CABIN1: variants seen among roughly 807,000 people sequenced by gnomAD.
CABIN1 encodes calcineurin-binding protein cabin-1.
In CABIN1, 133 loss-of-function variants were observed where a neutral mutation model predicts 227.7. That is an observed-to-expected ratio of 0.58 (90% confidence interval 0.51 to 0.67). The LOEUF is 0.67. CABIN1 is among the 30% of genes least tolerant of loss of function. The pLI, the probability that CABIN1 is intolerant of heterozygous loss-of-function variation, is 0.00. For missense variants in CABIN1, 2,408 were observed against 2,852.5 expected (o/e 0.84, Z 3.55); for synonymous variants, 1,086 against 1,155.1 (o/e 0.94, Z 1.21).
intron 23 of CABIN1, among the ~76,000 whole-genome samples, chr22:24,089,513 C>G (rs544195074): frequency 6.6e-6 from 1 of 152,130 alleles, no homozygotes; most frequent in Non-Finnish European, 1.5e-5. Context: ...TGCAGATGTC[C>G]CGACAGGGAG....
At chr22:24,109,372 AT>A (rs555992246) in intron 26 of CABIN1, among the ~76,000 whole-genome samples, 1,440 of 142,526 alleles carry the variant, frequency 0.01, 14 homozygotes, top group African/African-American at 0.025. Flanking sequence ...CGCCTGCCTA[AT>A]TTTTTTTTTT....
At chr22:24,070,056 A>G (rs890073240) in intron 16 of CABIN1, among the ~76,000 whole-genome samples, 6 of 149,346 alleles carry the variant, frequency 4.0e-5, no homozygotes, top group Non-Finnish European at 7.4e-5. Flanking sequence ...AATGGGTTGT[A>G]TTCTAGGCCA....
At chr22:24,164,279 C>T in intron 29 of CABIN1, 121 bp from the exon 30 acceptor site, 1 of 1,236,766 alleles carries the variant, frequency 8.1e-7, no homozygotes, top group South Asian at 1.2e-5. Context: ...GTCCAAGAAG[C>T]CCCTGGCTGG....
intron 5 of CABIN1, 122 bp downstream of exon 5, chr22:24,041,395 C>G: frequency 7.9e-7 from 1 of 1,260,158 alleles, no homozygotes; most frequent in Non-Finnish European, 1.1e-6. Flanking sequence ...AGCTATAGTA[C>G]CCAAGGCTCT....
At chr22:24,063,309 G>T (rs1407638969) in intron 14 of CABIN1, among the ~76,000 whole-genome samples, 163 bp downstream of exon 14, 1 of 152,146 alleles carries the variant, frequency 6.6e-6, no homozygotes, top group Non-Finnish European at 1.5e-5. Context: ...CTTGGCATGA[G>T]AAAGTGTGAC....
At position 24,098,247 on chromosome 22, in the gene CABIN1, G is replaced by T. The variant is rs890001154; in HGVS notation, c.4117+55G>T. On this transcript the variant is annotated intron_variant, in intron 26 of 36. Coordinates refer to ENST00000263119, the MANE Select transcript of CABIN1 (RefSeq NM_012295.4). ...CCAGGGCGGCACATCAATCACGGGGGGGTGCTCGGACGACTCATTTTGTCG... is the reference window on the plus strand; with the variant it reads ...CCAGGGCGGCACATCAATCACGGGGTGGTGCTCGGACGACTCATTTTGTCG... The T allele has an allele frequency of 2.5e-6, 4 of 1,612,520 alleles. No homozygotes were observed. The South Asian group carries it at 3.3e-5, about 13-fold the overall frequency.
intron 24 of CABIN1, 180 bp downstream of exon 24, chr22:24,092,023 G>T (rs1255603034): frequency 2.8e-6 from 2 of 722,602 alleles, no homozygotes; most frequent in East Asian, 2.7e-5. Flanking sequence ...TTCCCAAGGG[G>T]TGTTTATCAT....
intron 29 of CABIN1, among the ~76,000 whole-genome samples, chr22:24,156,793 C>T (rs998794789): frequency 6.6e-6 from 1 of 152,112 alleles, no homozygotes; most frequent in Non-Finnish European, 1.5e-5. Flanking sequence ...ATAGAGCCTA[C>T]AGCAGAGTTG....
chr22:24,076,124 G>A (rs896985240), intron 18 of CABIN1, 45 bp from the exon 19 acceptor site: 3 of 1,487,542 alleles, frequency 2.0e-6, no homozygotes, highest in Non-Finnish European at 2.8e-6. Flanking sequence ...CAGGCACGCA[G>A]GTTCCCACAC....
chr22:24,020,918 A>G (rs140458685), intron 1 of CABIN1, among the ~76,000 whole-genome samples: 2 of 152,196 alleles, frequency 1.3e-5, no homozygotes, highest in African/African-American at 2.4e-5. Context: ...GGAGTTTGAT[A>G]TACATCTATA....
At chr22:24,088,401 A>G (rs548216998) in intron 23 of CABIN1, among the ~76,000 whole-genome samples, 2 of 152,306 alleles carry the variant, frequency 1.3e-5, no homozygotes, top group South Asian at 4.1e-4. Flanking sequence ...CGAGGTCAGG[A>G]GTATGAGACC....
At chr22:24,064,014 A>G in intron 14 of CABIN1, 21 bp from the exon 15 acceptor site, 1 of 1,613,914 alleles carries the variant, frequency 6.2e-7, no homozygotes, top group Non-Finnish European at 8.5e-7. Context: ...TGGTTCCCTG[A>G]CCTGTTTTCC....
chr22:24,039,526 G>C (rs945585856), intron 4 of CABIN1, among the ~76,000 whole-genome samples: 1 of 152,212 alleles, frequency 6.6e-6, no homozygotes, highest in African/African-American at 2.4e-5. Context: ...TGAGGACCCA[G>C]AGAGGGAAAA....
rs17004823 is a variant in CABIN1 at position 24,050,841 on chromosome 22, G to T, written c.673G>T (p.Asp225Tyr). The T allele has an allele frequency of 1.2e-6, 2 of 1,613,994 alleles. No homozygotes were observed. The highest frequency in any genetic ancestry group is 2.7e-5 in the African/African-American group (2 of 74,876). ...TGCTTTTAGTGACATGTCGATTCAC[G>T]ATGTTTCGGTGAGTGCAGCTGAGAC... The part of the protein sequence containing the change: ...MFLKCDMSIH[D>Y]VSVSAAETQA... The change falls in exon 8 of 37, where the codon GAT becomes TAT. Residue 225 changes from aspartate (D) to tyrosine (Y), a missense_variant. Transcript: ENST00000263119.
At position 24,088,864 on chromosome 22, in the gene CABIN1, A is replaced by C. The variant is rs967795251; in HGVS notation, c.3525+1151A>C. 3.3e-5 allele frequency among the ~76,000 whole-genome samples: 5 copies of C among 152,294 alleles called. No homozygotes were observed. The South Asian group carries it at 1.0e-3, about 32-fold the overall frequency. ...TTTTTCACTCAGCACCACACTGTTG[A>C]GTTCTATCCATGATAATTCCTGTGG... On this transcript the variant is annotated intron_variant, in intron 23 of 36. Coordinates refer to ENST00000263119, the MANE Select transcript of CABIN1 (RefSeq NM_012295.4).
chr22:24,075,354 A>T (rs528448040), intron 18 of CABIN1, among the ~76,000 whole-genome samples: 16 of 152,350 alleles, frequency 1.1e-4, no homozygotes, highest in African/African-American at 3.6e-4. Context: ...AGGGACCTTT[A>T]TAAACAAATA....
chr22:24,074,502 G>T (rs78071998), intron 18 of CABIN1, among the ~76,000 whole-genome samples: 1 of 152,152 alleles, frequency 6.6e-6, no homozygotes, highest in South Asian at 2.1e-4. Flanking sequence ...GGCATGAGGG[G>T]AAACCTCCTC....
intron 1 of CABIN1, among the ~76,000 whole-genome samples, chr22:24,014,277 T>C (rs527251257): frequency 2.6e-5 from 4 of 152,260 alleles, no homozygotes; most frequent in Non-Finnish European, 4.4e-5. Context: ...ATTATTTATG[T>C]GTCAGTGTAG....
At chr22:24,061,537 C>T (rs1187854003) in intron 12 of CABIN1, among the ~76,000 whole-genome samples, 2 of 152,256 alleles carry the variant, frequency 1.3e-5, no homozygotes, top group African/African-American at 4.8e-5. Flanking sequence ...GATCACCTTC[C>T]AGCTGTGCCC....
Sources: allele counts gnomAD v4.1 joint callset (sites outside exome capture counted in the v4.1 genomes callset), GRCh38; gene constraint gnomAD v4.1.1; transcripts MANE v1.5; gene names NCBI Gene and HGNC (gene_info 2026-07-23, HGNC 2026-07-21).